REXO1: variants seen among roughly 807,000 people sequenced by gnomAD.
REXO1 encodes REX1, RNA exonuclease 1 homolog.
In REXO1, 42 loss-of-function variants were observed where a neutral mutation model predicts 102.6. The observed-to-expected ratio is 0.41, with a 90% CI of 0.32 to 0.53. REXO1 has a LOEUF of 0.53. Ranked by LOEUF, REXO1 falls within the 20% of genes least tolerant of loss-of-function variation. The probability of loss-of-function intolerance (pLI) is 0.27; values close to 1 mark genes in which losing one functional copy is unlikely to be tolerated. For synonymous variants in REXO1, 908 were observed against 779.1 expected (o/e 1.17, Z -2.76); for missense variants, 1,819 against 1,732.5 (o/e 1.05, Z -0.89).
intron 1 of REXO1, among the ~76,000 whole-genome samples, chr19:1,830,250 G>A (rs952755493): frequency 2.0e-5 from 3 of 152,156 alleles, no homozygotes; most frequent in Non-Finnish European, 2.9e-5. Flanking sequence ...GGCTCACGCC[G>A]ATCATCTCAG....
chr19:1,826,800 A>C lies in REXO1; in HGVS notation c.1911+78T>G. Reference sequence around the variant, plus strand: ...CGTGCCTCCGAGCCAACTGGAAACCACTCCAGATAGAAGGTCTCTCACCAG... The same window carrying C: ...CGTGCCTCCGAGCCAACTGGAAACCCCTCCAGATAGAAGGTCTCTCACCAG... On this transcript the variant is annotated intron_variant, in intron 2 of 15. Coordinates refer to ENST00000170168, the MANE Select transcript of REXO1 (RefSeq NM_020695.4). This position sits in a 1 kb window ranked among gnomAD's most constrained non-coding sequence, Gnocchi z 4.3. 1 of 1,521,710 alleles carries C rather than the reference A, an allele frequency of 6.6e-7. No homozygotes were observed. Among genetic ancestry groups the C allele is most frequent in the Non-Finnish European group, 8.8e-7 (1 of 1,138,110 alleles). 94.3% of individuals were successfully genotyped at this position (1,521,710 alleles called of 1,614,324 possible).
rs2069608477 is a variant in REXO1, at chr19:1,823,411, A to G, written c.2230+161T>C. 1.8e-5 allele frequency: 8 copies of G among 442,204 alleles called. No homozygotes were observed. The Admixed American group carries it at 3.1e-4, about 17-fold the overall frequency. 27.4% of individuals were successfully genotyped at this position (442,204 alleles called of 1,614,324 possible). A position where few individuals can be genotyped will look rare whatever the true frequency, so the allele number is the denominator to read the frequency against. On this transcript the variant is annotated intron_variant, in intron 4 of 15. Coordinates refer to ENST00000170168, the MANE Select transcript of REXO1 (RefSeq NM_020695.4). ...CCTCCTGCACCCCTCAACAGTCCCC[A>G]TTTCACAGACAGGCAGGCTGAGGGC...
Position 1,827,365 on chromosome 19 carries a change from CG to C in REXO1, c.1423del (p.Arg475AlafsTer18). On this transcript the variant is annotated frameshift_variant, in exon 2 of 16. Coordinates refer to ENST00000170168, the MANE Select transcript of REXO1 (RefSeq NM_020695.4). LOFTEE classifies it high-confidence loss of function. ...SRPAAGRGPP[R>X]PLQLPDRKST... ...CTTCCTGTCGGGCAGCTGGAGGGGG[CG>C]GGGTGGGCCTCTGCCGGCCGCCGGT... is the stretch of plus-strand genomic sequence containing the variant. 1 of 1,534,412 alleles carries C rather than the reference CG, an allele frequency of 6.5e-7. No individual in the cohort carries two copies. The highest frequency in any genetic ancestry group is 1.4e-5 in the African/African-American group (1 of 72,452).
chr19:1,828,789 T>TA (rs1212989381), intron 1 of REXO1, among the ~76,000 whole-genome samples, 158 bp from the exon 2 acceptor site: 8 of 152,342 alleles, frequency 5.3e-5, no homozygotes, highest in Non-Finnish European at 1.0e-4. Flanking sequence ...CCCAGCTGGG[T>TA]ACAGGCCATG....
chr19:1,825,537 G>A (rs1182618753), intron 3 of REXO1, among the ~76,000 whole-genome samples: 4 of 151,514 alleles, frequency 2.6e-5, no homozygotes, highest in East Asian at 2.0e-4. Flanking sequence ...GTGCAGTGGT[G>A]CAATCTTGGC....
chr19:1,848,141 G>T, intron 1 of REXO1, 61 bp downstream of exon 1: 2 of 839,954 alleles, frequency 2.4e-6, no homozygotes, highest in Non-Finnish European at 3.2e-6. Context: ...GCGGGACCGG[G>T]GTGGGGTCCA....
intron 3 of REXO1, among the ~76,000 whole-genome samples, chr19:1,825,295 G>A (rs1278655492): frequency 8.3e-5 from 5 of 60,118 alleles, no homozygotes; most frequent in Non-Finnish European, 1.2e-4. Flanking sequence ...GCGAGACTCC[G>A]TCTCAAAAAA....
rs1407332643 is a variant in REXO1 at position 1,827,967 on chromosome 19, C to T, written c.822G>A (p.Lys274=). 6.2e-7 allele frequency: 1 copy of T among 1,613,656 alleles called. No homozygotes were observed. The highest frequency in any genetic ancestry group is 1.7e-5 in the Admixed American group (1 of 60,014). The change falls in exon 2 of 16, where the codon AAG becomes AAA. Residue 274 remains lysine, a synonymous_variant. Transcript: ENST00000170168. ...CGCAACTGCCAAAGGGGTCACAGAGCTTCTTGGGAGCAGGTGTGTAGGGCT... is the reference window on the plus strand; with the variant it reads ...CGCAACTGCCAAAGGGGTCACAGAGTTTCTTGGGAGCAGGTGTGTAGGGCT... ...GSEPYTPAPK[K]LCDPFGSCDA... is the part of the protein sequence containing the mutation.
rs2069777175 is a variant in REXO1, at chr19:1,827,651, T to G, written c.1138A>C (p.Lys380Gln). Residue 380 changes from lysine (K) to glutamine (Q), a missense_variant, in exon 2 of 16, where the codon AAA (lysine) becomes CAA (glutamine). Transcript: ENST00000170168. ...CTGGGGGCAGGTGGGGCCCCGGTTT[T>G]TTTCTTCTTGGGTTTTCCCTCCTTG... ...CPKEGKPKKK[K>Q]TGAPPAPSCK... 1 of 1,569,366 alleles carries G rather than the reference T, an allele frequency of 6.4e-7. No individual in the cohort carries two copies. Among genetic ancestry groups the G allele is most frequent in the South Asian group, 1.2e-5 (1 of 85,394 alleles).
At position 1,827,011 on chromosome 19, in the gene REXO1, G is replaced by A. The variant is rs199974482; in HGVS notation, c.1778C>T (p.Ala593Val). The change falls in exon 2 of 16, where the codon GCG becomes GTG. Residue 593 changes from alanine (A) to valine (V), a missense_variant. By Grantham distance (64) the Ala-to-Val change is moderately conservative (BLOSUM62 0). Coordinates refer to ENST00000170168, the MANE Select transcript of REXO1 (RefSeq NM_020695.4). ...GGCCGAGTAGTCCACATCCGCCCCC[G>A]CGCTGGAGGTGGAGGAGGAGGAGGA... ...SSSSSSSTSS[A>V]GADVDYSALE... is the part of the protein sequence containing the mutation. 8.4e-5 allele frequency: 130 copies of A among 1,547,750 alleles called. No homozygotes were observed. The highest frequency in any genetic ancestry group is 1.0e-4 in the Non-Finnish European group (120 of 1,146,486).
intron 1 of REXO1, among the ~76,000 whole-genome samples, chr19:1,833,269 CGT>C (rs1568708969): frequency 6.6e-6 from 1 of 152,110 alleles, no homozygotes. Context: ...AGGAAGGATC[CGT>C]GTGTCTGTTT....
chr19:1,822,136 T>G, intron 4 of REXO1: 1 of 378,050 alleles, frequency 2.6e-6, no homozygotes. Context: ...CAGGGGCTGC[T>G]TCGGAGGGCT....
intron 3 of REXO1, among the ~76,000 whole-genome samples, chr19:1,825,006 C>G (rs1381524185): frequency 6.9e-6 from 1 of 144,108 alleles, no homozygotes; most frequent in Non-Finnish European, 1.5e-5. Context: ...AGGCTGGTCT[C>G]GAACTCCTGA....
At chr19:1,824,551 C>T (rs1203255019) in intron 3 of REXO1, 1 of 152,220 alleles carries the variant, frequency 6.6e-6, no homozygotes, top group Non-Finnish European at 1.5e-5. Flanking sequence ...CATAACATGT[C>T]TGAACCAGAC....
intron 3 of REXO1, among the ~76,000 whole-genome samples, chr19:1,825,406 G>A (rs1014501483): frequency 2.4e-4 from 37 of 151,128 alleles, no homozygotes; most frequent in African/African-American, 7.0e-4. Context: ...CTGGGAAGCC[G>A]AGGCAGGAGG....
intron 7 of REXO1, 131 bp from the exon 8 acceptor site, chr19:1,819,262 C>G (rs2069463513): frequency 4.3e-6 from 3 of 692,688 alleles, no homozygotes; most frequent in Non-Finnish European, 7.1e-6. Context: ...CAGCACCCCA[C>G]TGACCCCGGG....
chr19:1,827,065 G>T lies in REXO1; in HGVS notation c.1724C>A (p.Pro575His). ...GPPKRLKASP[P>H]PSPAPSSSSS... ...GGAGGAGGATGGGGCGGGGGAGGGG[G>T]GCGGGGAGGCCTTGAGCCGCTTGGG... is the stretch of plus-strand genomic sequence containing the variant. The change falls in exon 2 of 16, where the codon CCC becomes CAC. Residue 575 changes from proline (P) to histidine (H), a missense_variant. Physicochemically the swap from Pro to His is moderately conservative, Grantham distance 77 (BLOSUM62 -2). Coordinates refer to ENST00000170168, the MANE Select transcript of REXO1 (RefSeq NM_020695.4). The T allele has an allele frequency of 1.2e-6, 1 of 807,860 alleles. No individual in the cohort carries two copies. The highest frequency in any genetic ancestry group is 2.1e-6 in the Non-Finnish European group (1 of 475,680). The allele number at this position is 807,860 out of a possible 1,614,324, so 50.0% of individuals were successfully genotyped here.
At chr19:1,822,910 A>G (rs2069589163) in intron 4 of REXO1, 1 of 152,278 alleles carries the variant, frequency 6.6e-6, no homozygotes, top group Non-Finnish European at 1.5e-5. Context: ...CTTGCCAGAC[A>G]CACAGACCTT....
At position 1,827,315 on chromosome 19, in the gene REXO1, G is replaced by A; in HGVS notation, c.1474C>T (p.Leu492=). Residue 492 remains leucine, a synonymous_variant, in exon 2 of 16, where the codon CTA becomes TTA. Coordinates refer to ENST00000170168, the MANE Select transcript of REXO1 (RefSeq NM_020695.4). ...AGTGAGCGGGCTTTCCGCTCCACTA[G>A]CTTCCCCGACGGGGCCTTGGTGCTC... ...RKSTKAPSGK[L]VERKARSLDE... is the part of the protein sequence containing the mutation. The A allele has an allele frequency of 6.4e-7, 1 of 1,560,842 alleles. No individual in the cohort carries two copies. The highest frequency in any genetic ancestry group is 1.1e-5 in the South Asian group (1 of 87,196).
Sources: gnomAD v4.1 joint callset for allele counts (sites outside exome capture counted in the v4.1 genomes callset) on GRCh38, gnomAD v4.1.1 for gene constraint, Gnocchi (gnomAD v3.1) non-coding constraint, MANE v1.5 for transcripts, NCBI Gene and HGNC (gene_info 2026-07-23, HGNC 2026-07-21) for gene names.